The following CEP44 variants were observed in gnomAD, a reference collection of about 807,000 sequenced individuals.
CEP44 encodes centrosomal protein of 44 kDa.
Under a neutral mutation model 46.7 loss-of-function variants are expected in CEP44, and 45 were observed. That is an observed-to-expected ratio of 0.96 (90% CI 0.76 to 1.24). CEP44 has a LOEUF of 1.24. CEP44 is among the 50% of genes most tolerant of loss of function. The pLI, the probability that CEP44 is intolerant of heterozygous loss-of-function variation, is 0.00. For missense variants in CEP44, 475 were observed against 459.7 expected (o/e 1.03, Z -0.30); for synonymous variants, 142 against 146.0 (o/e 0.97, Z 0.20).
chr4:174,304,414 A>G (rs781465007), intron 6 of CEP44, 45 bp downstream of exon 6: 17 of 1,586,238 alleles, frequency 1.1e-5, no homozygotes, highest in East Asian at 2.3e-5. Flanking sequence ...AGAGTTATCT[A>G]ATTAATCCAA....
upstream of CEP44, chr4:174,283,847 G>A (rs2126460540): frequency 2.5e-6 from 1 of 398,808 alleles, no homozygotes; most frequent in Non-Finnish European, 4.4e-6. The surrounding 1 kb of genome is among the most constrained non-coding windows in gnomAD (Gnocchi z 6.7). Flanking sequence ...GGCTCTCAGC[G>A]GAGTCGCTCT....
At position 174,312,158 on chromosome 4, in the gene CEP44, G is replaced by A. The variant is rs2126644757; in HGVS notation, c.961+1300G>A. On this transcript the variant is annotated intron_variant, in intron 9 of 11. Transcript: ENST00000503780. This position sits in a 1 kb window ranked among gnomAD's most constrained non-coding sequence, Gnocchi z 4.5. ...AAAGAATATTGAATGCTTGTGATTT[G>A]CAAAACATTGCCTTTTTCAAGTTTG... 6.6e-6 allele frequency among the ~76,000 whole-genome samples: 1 copy of A among 151,536 alleles called. No individual in the cohort carries two copies. Among genetic ancestry groups the A allele is most frequent in the East Asian group, 1.9e-4 (1 of 5,160 alleles).
Position 174,298,997 on chromosome 4 carries a change from A to G in CEP44, c.-50-75A>G, listed in dbSNP as rs1190566388. On this transcript the variant is annotated intron_variant, in intron 2 of 11. Coordinates refer to ENST00000503780, the MANE Select transcript of CEP44 (RefSeq NM_001040157.3). ...TAAATATGGTAAGTGCCAATAGGAG[A>G]TATGACCAAAATAGAATCAAGAAGC... 1.0e-5 allele frequency: 8 copies of G among 766,136 alleles called. No individual in the cohort carries two copies. In the South Asian group the frequency reaches 1.4e-4, roughly 13 times the overall value. 47.5% of individuals were successfully genotyped at this position (766,136 alleles called of 1,614,324 possible).
chr4:174,296,167 A>G (rs1318793825), intron 1 of CEP44, among the ~76,000 whole-genome samples: 1 of 152,152 alleles, frequency 6.6e-6, no homozygotes, highest in Non-Finnish European at 1.5e-5. Flanking sequence ...GTTTGGTGCT[A>G]TTTTGATATT....
chr4:174,298,377 G>A (rs929619139), intron 2 of CEP44, among the ~76,000 whole-genome samples: 2 of 151,240 alleles, frequency 1.3e-5, no homozygotes, highest in South Asian at 2.1e-4. Flanking sequence ...GGGTTTCACC[G>A]TTTTAGCCGG....
intron 10 of CEP44, 98 bp downstream of exon 10, chr4:174,316,388 G>T (rs890818754): frequency 7.1e-7 from 1 of 1,399,342 alleles, no homozygotes; most frequent in South Asian, 1.2e-5. Flanking sequence ...TAGCAAACGC[G>T]AATCTTAGTC....
downstream of CEP44, among the ~76,000 whole-genome samples, chr4:174,323,022 A>G (rs1742420380): frequency 6.6e-6 from 1 of 152,188 alleles, no homozygotes; most frequent in Non-Finnish European, 1.5e-5. Flanking sequence ...CACAGGTCTC[A>G]TTTAAAGCAC....
intron 2 of CEP44, 90 bp from the exon 3 acceptor site, chr4:174,298,982 A>G: frequency 3.3e-6 from 2 of 608,686 alleles, no homozygotes; most frequent in Non-Finnish European, 5.7e-6. Context: ...TAAATATGGT[A>G]AGTGCCAATA....
rs72993312 is a variant in CEP44 at position 174,309,191 on chromosome 4, G to C, written c.678+332G>C. Among the ~76,000 whole-genome samples, 12,199 of 151,916 alleles carry C rather than the reference G, an allele frequency of 0.08. 605 individuals carry two copies. The highest frequency in any genetic ancestry group is 0.22 in the South Asian group (1,063 of 4,828). The stretch of plus-strand genomic sequence containing the variant: ...TTCTCTACCACCTATTTTCTTTATT[G>C]GTGAATGGAAAAGATTGGCACTTTA... On this transcript the variant is annotated intron_variant, in intron 7 of 11. Coordinates refer to ENST00000503780, the MANE Select transcript of CEP44 (RefSeq NM_001040157.3). This position sits in a 1 kb window ranked among gnomAD's most constrained non-coding sequence, Gnocchi z 5.3.
chr4:174,315,945 T>C (rs572352948), intron 9 of CEP44, among the ~76,000 whole-genome samples: 1 of 152,258 alleles, frequency 6.6e-6, no homozygotes, highest in African/African-American at 2.4e-5. Flanking sequence ...ATTGCTATCA[T>C]GATAATAATA....
chr4:174,306,289 AGTTT>A (rs1319310423), intron 6 of CEP44, among the ~76,000 whole-genome samples: 3 of 152,196 alleles, frequency 2.0e-5, no homozygotes, highest in Non-Finnish European at 4.4e-5. Context: ...AATAAATTGC[AGTTT>A]GTTTAACAGA....
intron 6 of CEP44, among the ~76,000 whole-genome samples, chr4:174,307,696 T>C (rs935076541): frequency 6.6e-6 from 1 of 151,880 alleles, no homozygotes; most frequent in African/African-American, 2.4e-5. Flanking sequence ...TGGGAGAAAA[T>C]TTTTGCAAAC....
At chr4:174,316,385 C>A in intron 10 of CEP44, 95 bp downstream of exon 10, 1 of 1,410,012 alleles carries the variant, frequency 7.1e-7, no homozygotes, top group Non-Finnish European at 9.9e-7. Flanking sequence ...AAATAGCAAA[C>A]GCGAATCTTA....
intron 2 of CEP44, 66 bp downstream of exon 2, chr4:174,298,128 T>C (rs946072172): frequency 6.6e-6 from 1 of 151,800 alleles, no homozygotes; most frequent in South Asian, 2.1e-4. Flanking sequence ...TTTTGTTATG[T>C]GAAATCTCCT....
At chr4:174,289,250 CA>C (rs1367849937) in intron 1 of CEP44, among the ~76,000 whole-genome samples, 6 of 148,546 alleles carry the variant, frequency 4.0e-5, no homozygotes, top group African/African-American at 1.5e-4. Flanking sequence ...GCTTTGGTAT[CA>C]GGGTGATGCA....
chr4:174,308,565 C>T (rs1318194778), intron 6 of CEP44, 124 bp from the exon 7 acceptor site: 1 of 865,662 alleles, frequency 1.2e-6, no homozygotes, highest in Admixed American at 2.8e-5. Context: ...CACAACAAAC[C>T]CCCATGGCAC....
At chr4:174,320,791 A>G (rs1483439613), downstream of CEP44, among the ~76,000 whole-genome samples, 1 of 151,936 alleles carries the variant, frequency 6.6e-6, no homozygotes, top group Non-Finnish European at 1.5e-5. Flanking sequence ...GCAGCAGAAT[A>G]TGATAACCAG....
intron 8 of CEP44, among the ~76,000 whole-genome samples, chr4:174,328,174 T>C (rs903957724): frequency 6.6e-6 from 1 of 152,156 alleles, no homozygotes; most frequent in Non-Finnish European, 1.5e-5. Context: ...AAGGGGGAAC[T>C]GTAGACAATC....
rs755720331 is a variant in CEP44 at position 174,310,075 on chromosome 4, A to G, written c.885+19A>G. 7 of 1,594,954 alleles carry G rather than the reference A, an allele frequency of 4.4e-6. No homozygotes were observed. The highest frequency in any genetic ancestry group is 1.4e-5 in the African/African-American group (1 of 73,782). On this transcript the variant is annotated intron_variant, in intron 8 of 11. Coordinates refer to ENST00000503780, the MANE Select transcript of CEP44 (RefSeq NM_001040157.3). The surrounding 1 kb of genome is among the most constrained non-coding windows in gnomAD (Gnocchi z 4.2). ...TAAAAAGGTATTTTCCTCCTTTAAC[A>G]TTTATAAAATATCTCAGATATAACA...
Sources: gnomAD v4.1 joint callset for allele counts (sites outside exome capture counted in the v4.1 genomes callset) on GRCh38, gnomAD v4.1.1 for gene constraint, Gnocchi (gnomAD v3.1) non-coding constraint, MANE v1.5 for transcripts, NCBI Gene and HGNC (gene_info 2026-07-23, HGNC 2026-07-21) for gene names.